Variants in CELF2 observed in about 807,000 individuals in gnomAD.
CELF2 encodes CUGBP Elav-like family member 2, also known as CUG triplet repeat RNA-binding protein 2.
A neutral mutation model predicts 62.6 loss-of-function variants in CELF2; 8 were observed. The ratio of observed to expected loss-of-function variants is 0.13; its 90% CI spans 0.07 to 0.23. The LOEUF (loss-of-function observed/expected upper bound fraction) is 0.23, where lower values mean the gene tolerates loss of function less well. Ranked by LOEUF, CELF2 falls within the 10% of genes least tolerant of loss-of-function variation. The pLI is 1.00. For synonymous variants in CELF2, 258 were observed against 250.0 expected, an observed-to-expected ratio of 1.03 and a Z score of -0.30; for missense variants, 333 against 671.0, an observed-to-expected ratio of 0.50 and a Z score of 5.56.
chr10:11,026,337 TG>T (rs1384188935), intron 1 of CELF2, among the ~76,000 whole-genome samples: 1 of 152,168 alleles, frequency 6.6e-6, no homozygotes, highest in Non-Finnish European at 1.5e-5. Context: ...AGCCCGGAAG[TG>T]GGTAAATTGG....
Position 11,242,542 on chromosome 10 carries a change from G to A in CELF2, c.355-6611G>A, listed in dbSNP as rs973334288. Among the ~76,000 whole-genome samples the A allele has an allele frequency of 1.4e-4, 21 of 152,334 alleles. No homozygotes were observed. Among genetic ancestry groups the A allele is most frequent in the African/African-American group, 3.4e-4 (14 of 41,568 alleles). On this transcript the variant is annotated intron_variant, in intron 3 of 12. Transcript: ENST00000633077. The surrounding 1 kb of genome is among the most constrained non-coding windows in gnomAD (Gnocchi z 4.8). ...GCAGCTGCTCCGTGGCCAGCTTCAC[G>A]GCGGCACCAGGTGGTGACAGCTGTT... is the stretch of plus-strand genomic sequence containing the variant.
In CELF2 at chr10:10,944,027, A is replaced by G. The variant is rs549372148; in HGVS notation, c.89+24028A>G. Among the ~76,000 whole-genome samples the G allele has an allele frequency of 1.2e-4, 19 of 152,318 alleles. No individual in the cohort carries two copies. The South Asian group carries it at 3.9e-3, about 32-fold the overall frequency. ...TGAGTCCATACTTAACTATGAAATA[A>G]CATAGTAGAAGTGAAGAGTCTCTTT... is the stretch of plus-strand genomic sequence containing the variant. On this transcript the variant is annotated intron_variant, in intron 2 of 13. Transcript: ENST00000636488.
chr10:10,564,179 C>A, the CELF2 span, among the ~76,000 whole-genome samples: 1 of 152,292 alleles, frequency 6.6e-6, no homozygotes, highest in East Asian at 1.9e-4. Context: ...AACTTGAAGA[C>A]CTACTTAGGT....
At chr10:10,478,099 A>T in the CELF2 span, among the ~76,000 whole-genome samples, 2 of 152,174 alleles carry the variant, frequency 1.3e-5, no homozygotes. Flanking sequence ...ATACCCTTCC[A>T]GGAAAAAAGT....
At chr10:11,143,021 C>T (rs1463276811) in intron 1 of CELF2, among the ~76,000 whole-genome samples, 1 of 150,140 alleles carries the variant, frequency 6.7e-6, no homozygotes, top group African/African-American at 2.5e-5. Flanking sequence ...GACTCACTCC[C>T]CTTGTGATTC....
chr10:11,207,805 G>A lies in CELF2; in HGVS notation c.272-9620G>A, dbSNP rs1052853988. Among the ~76,000 whole-genome samples the A allele has an allele frequency of 3.3e-5, 5 of 152,178 alleles. No individual in the cohort carries two copies. Among genetic ancestry groups the A allele is most frequent in the Non-Finnish European group, 7.3e-5 (5 of 68,032 alleles). On this transcript the variant is annotated intron_variant, in intron 2 of 12. Coordinates refer to ENST00000633077, the MANE Select transcript of CELF2 (RefSeq NM_001326342.2). The surrounding 1 kb of genome is among the most constrained non-coding windows in gnomAD (Gnocchi z 4.1). The stretch of plus-strand genomic sequence containing the variant: ...CTATAAAACTAAGCTAATTGGATAC[G>A]GTTTCCTTAAAAGTAGATTTCTACA...
At chr10:11,144,652 G>A (rs768357951) in intron 1 of CELF2, among the ~76,000 whole-genome samples, 3 of 151,302 alleles carry the variant, frequency 2.0e-5, no homozygotes, top group African/African-American at 4.9e-5. Flanking sequence ...TCAGCACTTC[G>A]GGAGACCGAG....
chr10:11,293,391 T>C (rs951307729), intron 9 of CELF2, among the ~76,000 whole-genome samples: 9 of 152,248 alleles, frequency 5.9e-5, no homozygotes, highest in South Asian at 2.1e-4. Flanking sequence ...CTACTACTTA[T>C]ATGAATCAAT....
intron 2 of CELF2, among the ~76,000 whole-genome samples, chr10:11,183,824 A>C (rs2074138984): frequency 6.6e-6 from 1 of 152,174 alleles, no homozygotes; most frequent in East Asian, 1.9e-4. Context: ...CTCTTTGATC[A>C]AAGTACTTCA....
chr10:10,842,886 G>A (rs1372055241), intron 1 of CELF2, among the ~76,000 whole-genome samples: 1 of 151,564 alleles, frequency 6.6e-6, no homozygotes, highest in Middle Eastern at 3.4e-3. Flanking sequence ...TTAGTAAATT[G>A]TTGGTGGATT....
At chr10:10,608,604 G>A in the CELF2 span, among the ~76,000 whole-genome samples, 2 of 152,024 alleles carry the variant, frequency 1.3e-5, no homozygotes, top group African/African-American at 4.8e-5. Flanking sequence ...TAGAGGCGAG[G>A]GACAAAGATA....
intron 3 of CELF2, among the ~76,000 whole-genome samples, chr10:11,230,468 C>T (rs1565438341): frequency 6.6e-6 from 1 of 152,170 alleles, no homozygotes; most frequent in Non-Finnish European, 1.5e-5. Flanking sequence ...CTCGCAAGTG[C>T]TGGGTTGCTG....
intron 1 of CELF2, among the ~76,000 whole-genome samples, chr10:10,863,466 T>C (rs2060164739): frequency 6.6e-6 from 1 of 152,222 alleles, no homozygotes; most frequent in African/African-American, 2.4e-5. Context: ...TGACGAGCTA[T>C]GTGACCTTGG....
intron 1 of CELF2, among the ~76,000 whole-genome samples, chr10:11,041,040 A>G (rs1382475367): frequency 6.6e-6 from 1 of 152,244 alleles, no homozygotes; most frequent in East Asian, 1.9e-4. Context: ...ACGGAGTCCA[A>G]CATCAAGGTG....
chr10:11,008,100 T>C lies in CELF2; in HGVS notation c.53+2660T>C, dbSNP rs1326317576. Among the ~76,000 whole-genome samples, 1 of 152,220 alleles carries C rather than the reference T, an allele frequency of 6.6e-6. No individual in the cohort carries two copies. The highest frequency in any genetic ancestry group is 1.5e-5 in the Non-Finnish European group (1 of 68,040). The stretch of plus-strand genomic sequence containing the variant: ...AAGCTGGCAAACTTGTCTACATCTA[T>C]TTCCACAACAGGAACAGGATACGTA... On this transcript the variant is annotated intron_variant, in intron 1 of 12. Coordinates refer to the CELF2 transcript ENST00000416382. The surrounding 1 kb of genome is among the most constrained non-coding windows in gnomAD (Gnocchi z 4.5).
chr10:10,548,157 A>C, the CELF2 span, among the ~76,000 whole-genome samples: 1 of 152,166 alleles, frequency 6.6e-6, no homozygotes, highest in Non-Finnish European at 1.5e-5. Context: ...ACATCGTTTA[A>C]TCTTTCTGGG....
chr10:10,871,552 G>A (rs1387436222), intron 1 of CELF2, among the ~76,000 whole-genome samples: 1 of 152,120 alleles, frequency 6.6e-6, no homozygotes, highest in African/African-American at 2.4e-5. Flanking sequence ...TTGGGAGGCT[G>A]AGGAGGGCAG....
At chr10:11,292,607 T>C (rs1254290046) in intron 9 of CELF2, among the ~76,000 whole-genome samples, 1 of 152,064 alleles carries the variant, frequency 6.6e-6, no homozygotes, top group Non-Finnish European at 1.5e-5. Flanking sequence ...CTCCAAGTGG[T>C]GACATGCACG....
intron 1 of CELF2, among the ~76,000 whole-genome samples, chr10:11,158,319 G>A (rs1025659465): frequency 7.9e-5 from 12 of 152,270 alleles, no homozygotes; most frequent in East Asian, 1.9e-4. Flanking sequence ...GAGCTCAGCC[G>A]CAGGAGAGAG....
Sources: allele counts gnomAD v4.1 joint callset (sites outside exome capture counted in the v4.1 genomes callset), GRCh38; gene constraint gnomAD v4.1.1; non-coding constraint Gnocchi (gnomAD v3.1); transcripts MANE v1.5; gene names NCBI Gene and HGNC (gene_info 2026-07-23, HGNC 2026-07-21).